SMCO2: variants seen among roughly 807,000 people sequenced by gnomAD.
SMCO2 encodes single-pass membrane and coiled-coil domain-containing protein 2.
SMCO2 carries 25 observed loss-of-function variants against 29.5 expected under a neutral mutation model. The ratio of observed to expected loss-of-function variants is 0.85; its 90% CI spans 0.62 to 1.18. The LOEUF (loss-of-function observed/expected upper bound fraction) is 1.18. Ranked by LOEUF, SMCO2 falls within the 50% of genes most tolerant of loss-of-function variation. The probability of loss-of-function intolerance (pLI) is 0.00; values close to 1 mark genes in which losing one functional copy is unlikely to be tolerated. For synonymous variants in SMCO2, 117 were observed against 123.3 expected, an observed-to-expected ratio of 0.95 and a Z score of 0.34; for missense variants, 348 against 344.5, an observed-to-expected ratio of 1.01 and a Z score of -0.08.
the SMCO2 span, among the ~76,000 whole-genome samples, chr12:27,449,254 C>T: frequency 3.3e-5 from 5 of 152,282 alleles, 1 homozygote; most frequent in South Asian, 1.0e-3. Flanking sequence ...TTTGAACTGC[C>T]ACACCCAAAC....
At chr12:27,452,929 G>A in the SMCO2 span, among the ~76,000 whole-genome samples, 2 of 152,272 alleles carry the variant, frequency 1.3e-5, no homozygotes, top group Middle Eastern at 3.4e-3. Flanking sequence ...GGGCATCGTA[G>A]CTTTCTTCCT....
the SMCO2 span, among the ~76,000 whole-genome samples, chr12:27,431,182 A>G: frequency 6.6e-6 from 1 of 152,068 alleles, no homozygotes; most frequent in South Asian, 2.1e-4. Context: ...TGCCTGGCTA[A>G]TTTTTTAAAT....
intron 5 of SMCO2, among the ~76,000 whole-genome samples, chr12:27,493,029 G>A (rs1942947684): frequency 6.6e-6 from 1 of 152,178 alleles, no homozygotes; most frequent in African/African-American, 2.4e-5. Flanking sequence ...CATGTCTTTT[G>A]TGGGAACATG....
the SMCO2 span, among the ~76,000 whole-genome samples, chr12:27,454,173 C>T: frequency 1.6e-3 from 246 of 152,224 alleles, 1 homozygote; most frequent in African/African-American, 4.7e-3. Context: ...TTTGTAGAGA[C>T]AGGCCACACT....
At chr12:27,448,623 A>G in the SMCO2 span, among the ~76,000 whole-genome samples, 1 of 152,152 alleles carries the variant, frequency 6.6e-6, no homozygotes, top group Middle Eastern at 3.2e-3. Flanking sequence ...AATTTTTAAA[A>G]TCCTCTCTCC....
intron 2 of SMCO2, 71 bp downstream of exon 2, chr12:27,470,836 T>A: frequency 6.7e-7 from 1 of 1,482,040 alleles, no homozygotes; most frequent in Non-Finnish European, 9.1e-7. Flanking sequence ...GCCAGCGGTA[T>A]GCAAACGATG....
intron 1 of SMCO2, among the ~76,000 whole-genome samples, chr12:27,468,931 T>C (rs1170753066): frequency 1.3e-5 from 2 of 152,170 alleles, no homozygotes; most frequent in African/African-American, 2.4e-5. Flanking sequence ...CATAAGCCAT[T>C]GTTAGGATTC....
upstream of SMCO2, among the ~76,000 whole-genome samples, chr12:27,465,802 C>T (rs1949494403): frequency 2.6e-5 from 4 of 152,154 alleles, no homozygotes; most frequent in South Asian, 2.1e-4. Flanking sequence ...TAATAAATGA[C>T]AAAACCAGGT....
the SMCO2 span, among the ~76,000 whole-genome samples, chr12:27,444,860 C>A: frequency 6.6e-6 from 1 of 152,102 alleles, no homozygotes; most frequent in South Asian, 2.1e-4. Flanking sequence ...GAAAGGAAAT[C>A]AATATATCAA....
intron 5 of SMCO2, 49 bp from the exon 7 acceptor site, chr12:27,494,251 C>A: frequency 8.1e-7 from 1 of 1,235,762 alleles, no homozygotes; most frequent in South Asian, 1.8e-5. Context: ...TTGTACAAAC[C>A]AGAAAAATAT....
upstream of SMCO2, among the ~76,000 whole-genome samples, chr12:27,462,352 T>G (rs1011493126): frequency 6.6e-6 from 1 of 152,212 alleles, no homozygotes; most frequent in Non-Finnish European, 1.5e-5. Context: ...TTCTTTTTCT[T>G]TCTTTGAACT....
At chr12:27,492,838 A>G (rs978341810) in intron 5 of SMCO2, among the ~76,000 whole-genome samples, 1 of 152,208 alleles carries the variant, frequency 6.6e-6, no homozygotes. Flanking sequence ...TTGTGTATAT[A>G]CCCAGAGGAA....
the SMCO2 span, among the ~76,000 whole-genome samples, chr12:27,440,874 AAC>A: frequency 2.0e-5 from 3 of 152,330 alleles, no homozygotes; most frequent in Admixed American, 2.0e-4. Flanking sequence ...GGAGTCTCAA[AAC>A]ACAGAAAACA....
At chr12:27,444,853 A>T in the SMCO2 span, among the ~76,000 whole-genome samples, 1 of 152,238 alleles carries the variant, frequency 6.6e-6, no homozygotes, top group African/African-American at 2.4e-5. Flanking sequence ...TGTGAAAGAA[A>T]GGAAATCAAT....
At chr12:27,445,106 G>A in the SMCO2 span, among the ~76,000 whole-genome samples, 5 of 152,212 alleles carry the variant, frequency 3.3e-5, no homozygotes, top group South Asian at 2.1e-4. Context: ...GACAAATATC[G>A]TATGTTCTCA....
chr12:27,428,036 G>C, the SMCO2 span, among the ~76,000 whole-genome samples: 2 of 152,088 alleles, frequency 1.3e-5, no homozygotes, highest in East Asian at 3.9e-4. Context: ...AGAACTAGTT[G>C]AACCGGATTA....
At chr12:27,467,934 GT>G (rs1949511052) in intron 1 of SMCO2, among the ~76,000 whole-genome samples, 2 of 152,120 alleles carry the variant, frequency 1.3e-5, no homozygotes, top group African/African-American at 4.8e-5. Flanking sequence ...TTATTACTGT[GT>G]TATTTGAAGT....
At chr12:27,464,064 T>C (rs1318567495), upstream of SMCO2, among the ~76,000 whole-genome samples, 1 of 152,296 alleles carries the variant, frequency 6.6e-6, no homozygotes, top group African/African-American at 2.4e-5. Context: ...GTTTTGAAAT[T>C]GCGAACAGCG....
At chr12:27,472,144 T>G (rs1949545913) in intron 2 of SMCO2, among the ~76,000 whole-genome samples, 2 of 152,158 alleles carry the variant, frequency 1.3e-5, no homozygotes, top group Admixed American at 6.6e-5. Context: ...TAATATGAAA[T>G]GGACTCCAAA....
Sources: allele counts gnomAD v4.1 joint callset (sites outside exome capture counted in the v4.1 genomes callset), GRCh38; gene constraint gnomAD v4.1.1; transcripts MANE v1.5; gene names NCBI Gene and HGNC (gene_info 2026-07-23, HGNC 2026-07-21).